The following NUBPL variants were observed in gnomAD, a reference collection of about 807,000 sequenced individuals.
NUBPL encodes NUBP iron-sulfur cluster assembly factor, mitochondrial.
In NUBPL, 31 loss-of-function variants were observed where a neutral mutation model predicts 45.7. The observed-to-expected ratio is 0.68, with a 90% CI of 0.51 to 0.92. The LOEUF (loss-of-function observed/expected upper bound fraction) is 0.92. NUBPL is among the 40% of genes least tolerant of loss of function. The probability of loss-of-function intolerance (pLI) is 0.00; values close to 1 mark genes in which losing one functional copy is unlikely to be tolerated. For missense variants in NUBPL, 401 were observed against 398.7 expected, an observed-to-expected ratio of 1.01 and a Z score of -0.05; for synonymous variants, 144 against 140.9, an observed-to-expected ratio of 1.02 and a Z score of -0.15.
At chr14:31,797,806 G>A (rs1403663830) in intron 7 of NUBPL, among the ~76,000 whole-genome samples, 2 of 139,834 alleles carry the variant, frequency 1.4e-5, no homozygotes, top group East Asian at 4.1e-4. Flanking sequence ...TTGCTCATTA[G>A]TTGATGCAGT....
chr14:31,757,923 A>G lies in NUBPL; in HGVS notation c.514-29857A>G, dbSNP rs10141902. The stretch of plus-strand genomic sequence containing the variant: ...CCTTTTTTTCAGATATACCAATTTC[A>G]TTAACACTTTAGGGCCCTTGAACTT... On this transcript the variant is annotated intron_variant, in intron 6 of 10. Coordinates refer to ENST00000281081, the MANE Select transcript of NUBPL (RefSeq NM_025152.3). 4.0e-3 allele frequency among the ~76,000 whole-genome samples: 602 copies of G among 152,074 alleles called. 2 individuals carry two copies. The highest frequency in any genetic ancestry group is 0.014 in the African/African-American group (573 of 41,444).
At chr14:31,759,629 A>T (rs2038753686) in intron 6 of NUBPL, among the ~76,000 whole-genome samples, 1 of 151,820 alleles carries the variant, frequency 6.6e-6, no homozygotes, top group Non-Finnish European at 1.5e-5. Flanking sequence ...GATTTGACTT[A>T]TGATTTTTCA....
intron 6 of NUBPL, among the ~76,000 whole-genome samples, chr14:31,677,507 C>G (rs919942217): frequency 6.6e-6 from 1 of 152,216 alleles, no homozygotes; most frequent in African/African-American, 2.4e-5. Flanking sequence ...TAAGTTGTAT[C>G]TGCTTTAGGG....
At chr14:31,599,701 ATATAAT>A in intron 4 of NUBPL, among the ~76,000 whole-genome samples, 1 of 151,014 alleles carries the variant, frequency 6.6e-6, no homozygotes, top group East Asian at 1.9e-4. Context: ...AATAAAAACA[ATATAAT>A]TATTTACACA....
chr14:31,586,169 A>G (rs1474110031), intron 3 of NUBPL, among the ~76,000 whole-genome samples: 3 of 152,182 alleles, frequency 2.0e-5, no homozygotes, highest in South Asian at 4.1e-4. Context: ...TCCAAGAACC[A>G]TCTGTGCTAG....
In NUBPL at chr14:31,813,506, G is replaced by GAT. The variant is rs1217625283; in HGVS notation, c.608-13111_608-13110dup. On this transcript the variant is annotated intron_variant, in intron 7 of 10. Coordinates refer to ENST00000281081, the MANE Select transcript of NUBPL (RefSeq NM_025152.3). The stretch of plus-strand genomic sequence containing the variant: ...ATATATACACACATACATATATACA[G>GAT]ATATATATATATACACACACATACA... Among the ~76,000 whole-genome samples, 301 of 148,252 alleles carry GAT rather than the reference G, an allele frequency of 2.0e-3. 1 individual carries two copies. The highest frequency in any genetic ancestry group is 6.3e-3 in the African/African-American group (254 of 40,086).
At chr14:31,749,633 T>G (rs1303523738) in intron 6 of NUBPL, among the ~76,000 whole-genome samples, 1 of 152,168 alleles carries the variant, frequency 6.6e-6, no homozygotes, top group Non-Finnish European at 1.5e-5. Context: ...CGAATTCTCT[T>G]TTTTTTCTTT....
chr14:31,781,625 T>C (rs1262473413), intron 6 of NUBPL, among the ~76,000 whole-genome samples: 1 of 152,222 alleles, frequency 6.6e-6, no homozygotes, highest in Non-Finnish European at 1.5e-5. Flanking sequence ...CTTAAGACAC[T>C]CTTGTTATTT....
intron 6 of NUBPL, among the ~76,000 whole-genome samples, chr14:31,726,592 C>G (rs2037931062): frequency 6.6e-6 from 1 of 152,120 alleles, no homozygotes; most frequent in Non-Finnish European, 1.5e-5. Flanking sequence ...AAGCAGAGAT[C>G]TTGTCTGTCT....
At chr14:31,685,155 A>T (rs749834262) in intron 6 of NUBPL, among the ~76,000 whole-genome samples, 1 of 152,192 alleles carries the variant, frequency 6.6e-6, no homozygotes, top group African/African-American at 2.4e-5. Flanking sequence ...TGACCCAGGC[A>T]TTATCACTTT....
At chr14:31,615,559 A>G (rs1299825700) in intron 4 of NUBPL, among the ~76,000 whole-genome samples, 2 of 151,788 alleles carry the variant, frequency 1.3e-5, no homozygotes, top group African/African-American at 4.8e-5. Flanking sequence ...TTGGTTTTCT[A>G]TTCCTGTGTT....
chr14:31,850,985 A>T (rs2040529601), intron 10 of NUBPL, among the ~76,000 whole-genome samples: 1 of 152,292 alleles, frequency 6.6e-6, no homozygotes, highest in East Asian at 1.9e-4. Flanking sequence ...AGGTGAAAAG[A>T]CTAGTAGTGT....
intron 7 of NUBPL, among the ~76,000 whole-genome samples, chr14:31,816,123 T>C (rs181035290): frequency 6.6e-6 from 1 of 152,342 alleles, no homozygotes; most frequent in Non-Finnish European, 1.5e-5. Flanking sequence ...CAGTTCCTCT[T>C]TGTACCTCTG....
chr14:31,783,957 T>A (rs2039240612), intron 6 of NUBPL, among the ~76,000 whole-genome samples: 1 of 152,204 alleles, frequency 6.6e-6, no homozygotes, highest in South Asian at 2.1e-4. Context: ...AGTCTGCCGG[T>A]GCTAGGAGTT....
chr14:31,648,076 A>G (rs981038631), intron 4 of NUBPL, among the ~76,000 whole-genome samples: 5 of 152,218 alleles, frequency 3.3e-5, no homozygotes, highest in African/African-American at 1.2e-4. Flanking sequence ...ATAAGCTAAA[A>G]ACTGATTTTT....
intron 6 of NUBPL, among the ~76,000 whole-genome samples, chr14:31,697,449 T>A (rs1200924089): frequency 6.6e-6 from 1 of 152,260 alleles, no homozygotes; most frequent in South Asian, 2.1e-4. Context: ...ACCTTTACAA[T>A]GTCCTATTTC....
At chr14:31,845,127 A>G (rs1321019576) in intron 8 of NUBPL, 1 of 151,950 alleles carries the variant, frequency 6.6e-6, no homozygotes, top group Admixed American at 6.6e-5. Flanking sequence ...GGCAAATACT[A>G]TATTTTTTAT....
In NUBPL at chr14:31,826,733, A is replaced by C. The variant is rs181711804; in HGVS notation, c.693+19A>C. 6.2e-7 allele frequency: 1 copy of C among 1,605,792 alleles called. No individual in the cohort carries two copies. The highest frequency in any genetic ancestry group is 8.5e-7 in the Non-Finnish European group (1 of 1,172,502). On this transcript the variant is annotated intron_variant, in intron 8 of 10. Transcript: ENST00000281081. ...CGTGCCCGTAAGCGTTTACAGCTTC[A>C]CTGTGAAAAATATAAAACTCTTCTA... is the stretch of plus-strand genomic sequence containing the variant.
At chr14:31,719,322 A>G (rs750462017) in intron 6 of NUBPL, among the ~76,000 whole-genome samples, 2 of 152,234 alleles carry the variant, frequency 1.3e-5, no homozygotes, top group Non-Finnish European at 2.9e-5. Context: ...CCAAAAAATC[A>G]TAAGTTGAGC....
Sources: allele counts gnomAD v4.1 joint callset (sites outside exome capture counted in the v4.1 genomes callset), GRCh38; gene constraint gnomAD v4.1.1; transcripts MANE v1.5; gene names NCBI Gene and HGNC (gene_info 2026-07-23, HGNC 2026-07-21).